Variants in ZNF408 observed in about 807,000 individuals in gnomAD.
The protein encoded by ZNF408 is zinc finger protein 408, also known as PR domain zinc finger protein 17.
ZNF408 carries 24 observed loss-of-function variants against 27.6 expected under a neutral mutation model. That is an observed-to-expected ratio of 0.87 (90% CI 0.63 to 1.22). The LOEUF is 1.22. Ranked by LOEUF, ZNF408 falls within the 50% of genes most tolerant of loss-of-function variation. ZNF408 has a pLI of 0.00. For missense variants in ZNF408, 897 were observed against 949.0 expected (o/e 0.95, Z 0.72); for synonymous variants, 410 against 396.1 (o/e 1.04, Z -0.42).
intron 2 of ZNF408, among the ~76,000 whole-genome samples, chr11:46,702,424 T>A (rs2064716249): frequency 6.6e-6 from 1 of 152,210 alleles, no homozygotes; most frequent in Non-Finnish European, 1.5e-5. Flanking sequence ...AAGCTGGTGT[T>A]CCTTATTACT....
In ZNF408 at chr11:46,705,522, C is replaced by T. The variant is rs760644029; in HGVS notation, c.1822C>T (p.Arg608Cys). The T allele has an allele frequency of 7.5e-6, 12 of 1,604,642 alleles. No individual in the cohort carries two copies. Among genetic ancestry groups the T allele is most frequent in the South Asian group, 3.3e-5 (3 of 91,092 alleles). The change falls in exon 5 of 5, where the codon CGC becomes TGC. Residue 608 changes from arginine to cysteine, a missense_variant. Physicochemically the swap from Arg to Cys is radical, Grantham distance 180. Coordinates refer to ENST00000311764, the MANE Select transcript of ZNF408 (RefSeq NM_024741.3). The surrounding 1 kb of genome is among the most constrained non-coding windows in gnomAD (Gnocchi z 6.5). Reference sequence around the variant, plus strand: ...ATCTCACTTGGAGGACAAGCCCTACCGCTGCCCCACCTGTGGCATGGGCTA... The same window carrying T: ...ATCTCACTTGGAGGACAAGCCCTACTGCTGCCCCACCTGTGGCATGGGCTA... ...LKSHLEDKPY[R>C]CPTCGMGYTL...
intron 1 of ZNF408, 66 bp downstream of exon 1, chr11:46,701,165 G>T (rs746272615): frequency 1.2e-6 from 2 of 1,612,974 alleles, no homozygotes; most frequent in South Asian, 1.1e-5. Flanking sequence ...TCTGTGGTCA[G>T]CTTTCTCCTC....
chr11:46,703,916 G>A (rs1715203868), intron 4 of ZNF408, among the ~76,000 whole-genome samples: 3 of 151,572 alleles, frequency 2.0e-5, no homozygotes, highest in African/African-American at 7.3e-5. Flanking sequence ...ATTTTTAGTA[G>A]AGATGGGGTT....
chr11:46,703,376 G>T, intron 4 of ZNF408, 133 bp downstream of exon 4: 1 of 1,209,406 alleles, frequency 8.3e-7, no homozygotes, highest in Non-Finnish European at 1.1e-6. Flanking sequence ...TTCAAAATCT[G>T]TTTTAAGGTG....
Position 46,705,630 on chromosome 11 carries a change from G to T in ZNF408, c.1930G>T (p.Ala644Ser). ...PCSPPSVPSA[A>S]SEPTVVLLQA... ...CAGCCCACCCTCTGTGCCTTCTGCT[G>T]CTTCTGAGCCCACTGTGGTGCTCCT... is the stretch of plus-strand genomic sequence containing the variant. Residue 644 changes from alanine (A) to serine (S), a missense_variant, in exon 5 of 5, where the codon GCT (alanine) becomes TCT (serine). By Grantham distance (99) the Ala-to-Ser change is moderately conservative. Coordinates refer to ENST00000311764, the MANE Select transcript of ZNF408 (RefSeq NM_024741.3). The surrounding 1 kb of genome is among the most constrained non-coding windows in gnomAD (Gnocchi z 6.5). 1 of 1,613,066 alleles carries T rather than the reference G, an allele frequency of 6.2e-7. No homozygotes were observed. Among genetic ancestry groups the T allele is most frequent in the Middle Eastern group, 1.6e-4 (1 of 6,062 alleles).
chr11:46,705,401 A>C lies in ZNF408; in HGVS notation c.1701A>C (p.Arg567=). The change falls in exon 5 of 5, where the codon CGA becomes CGC. Residue 567 remains arginine, a synonymous_variant. Transcript: ENST00000311764. This position sits in a 1 kb window ranked among gnomAD's most constrained non-coding sequence, Gnocchi z 6.5. ...GKALRDPHTL[R]AHERLHSGER... ...CCCTCCGAGACCCACACACGCTCCG[A>C]GCTCACGAGCGCCTGCACTCCGGAG... 1 of 1,607,146 alleles carries C rather than the reference A, an allele frequency of 6.2e-7. No individual in the cohort carries two copies. The highest frequency in any genetic ancestry group is 8.5e-7 in the Non-Finnish European group (1 of 1,179,378).
Position 46,703,105 on chromosome 11 carries a change from C to T in ZNF408, c.514C>T (p.Gln172Ter), listed in dbSNP as rs552345571. The change falls in exon 4 of 5, where the codon CAG (glutamine) becomes TAG (stop). Residue 172 changes from glutamine to a stop codon, truncating the protein, a stop_gained. Coordinates refer to ENST00000311764, the MANE Select transcript of ZNF408 (RefSeq NM_024741.3). LOFTEE classifies it high-confidence loss of function. Reference protein sequence around the residue: ...LPGSELLLWPQPSSEGPSLTQ... With the variant: ...LPGSELLLWP ...AGGCTCTGAACTGCTGCTGTGGCCCCAGCCTTCCTCTGAGGGCCCAAGTCT... is the reference window on the plus strand; with the variant it reads ...AGGCTCTGAACTGCTGCTGTGGCCCTAGCCTTCCTCTGAGGGCCCAAGTCT... 3 of 1,612,550 alleles carry T rather than the reference C, an allele frequency of 1.9e-6. No individual in the cohort carries two copies. Among genetic ancestry groups the T allele is most frequent in the Admixed American group, 1.7e-5 (1 of 59,472 alleles).
intron 2 of ZNF408, among the ~76,000 whole-genome samples, chr11:46,702,180 C>G (rs2064714190): frequency 6.6e-6 from 1 of 152,192 alleles, no homozygotes; most frequent in African/African-American, 2.4e-5. Flanking sequence ...TTGCAACCTC[C>G]ACTTCCCAGG....
rs772255806 is a variant in ZNF408, at chr11:46,705,268, C to T, written c.1568C>T (p.Pro523Leu). The T allele has an allele frequency of 6.2e-7, 1 of 1,612,236 alleles. No individual in the cohort carries two copies. Among genetic ancestry groups the T allele is most frequent in the South Asian group, 1.1e-5 (1 of 91,068 alleles). ...TTGCGGCTCCACACCGGGGAGCGTC[C>T]TTACCGCTGCCCACACTGTGCCGAT... ...GHLRLHTGER[P>L]YRCPHCADAF... Residue 523 changes from proline to leucine, a missense_variant, in exon 5 of 5, where the codon CCT becomes CTT. Pro to Leu is a moderately conservative substitution (Grantham distance 98). Coordinates refer to ENST00000311764, the MANE Select transcript of ZNF408 (RefSeq NM_024741.3). The surrounding 1 kb of genome is among the most constrained non-coding windows in gnomAD (Gnocchi z 6.5).
Position 46,701,568 on chromosome 11 carries a change from G to A in ZNF408, c.222G>A (p.Gly74=). The change falls in exon 2 of 5, where the codon GGG becomes GGA. Residue 74 remains glycine (G), a synonymous_variant. Transcript: ENST00000311764. The part of the protein sequence containing the change: ...GPSLAKEQRL[G]VWCVGDPLQP... ...CACTCGCCAAGGAACAGCGCTTGGG[G>A]GTCTGGTGTGTCGGGGACCCCCTGC... 1 of 1,613,372 alleles carries A rather than the reference G, an allele frequency of 6.2e-7. No individual in the cohort carries two copies. The highest frequency in any genetic ancestry group is 8.5e-7 in the Non-Finnish European group (1 of 1,179,952).
intron 4 of ZNF408, among the ~76,000 whole-genome samples, chr11:46,703,761 G>GTTTTTTT (rs1489418102): frequency 2.5e-5 from 2 of 80,170 alleles, no homozygotes; most frequent in African/African-American, 9.5e-5. Context: ...TGTTGTTGTT[G>GTTTTTTT]TTGTTGTTGT....
In ZNF408 at chr11:46,703,165, G is replaced by A. The variant is rs1187492124; in HGVS notation, c.574G>A (p.Ala192Thr). ...TGGGCTGGACAAAGAGGCAGCTGTA[G>A]CAGTGGTGACAGAAGTGGAGTCTGC... ...QPGLDKEAAVAVVTEVESAVQ... is the reference protein window; with the variant it reads ...QPGLDKEAAVTVVTEVESAVQ... The change falls in exon 4 of 5, where the codon GCA (alanine) becomes ACA (threonine). Residue 192 changes from alanine to threonine, a missense_variant. Physicochemically the swap from Ala to Thr is moderately conservative, Grantham distance 58 (BLOSUM62 0). Transcript: ENST00000311764. The A allele has an allele frequency of 2.4e-5, 38 of 1,606,922 alleles. No individual in the cohort carries two copies. Among genetic ancestry groups the A allele is most frequent in the Non-Finnish European group, 3.1e-5 (37 of 1,178,360 alleles).
rs141131767 is a variant in ZNF408, at chr11:46,704,603, G to A, written c.903G>A (p.Pro301=). 9.3e-6 allele frequency: 15 copies of A among 1,613,694 alleles called. No individual in the cohort carries two copies. The highest frequency in any genetic ancestry group is 8.9e-5 in the East Asian group (4 of 44,884). The stretch of plus-strand genomic sequence containing the variant: ...CATCTTCTGCCAGGGGCACCCAGCC[G>A]CATGGCTACCTGGCCAAGAAGTTAC... ...SFSSSARGTQ[P]HGYLAKKLHS... is the part of the protein sequence containing the mutation. The change falls in exon 5 of 5, where the codon CCG becomes CCA. Residue 301 remains proline (P), a synonymous_variant. Transcript: ENST00000311764.
Position 46,705,087 on chromosome 11 carries a change from GCTGCCC to G in ZNF408, c.1396_1401del (p.Ala466_Pro467del), listed in dbSNP as rs759294247. On this transcript the variant is annotated inframe_deletion, in exon 5 of 5. Transcript: ENST00000311764. This position sits in a 1 kb window ranked among gnomAD's most constrained non-coding sequence, Gnocchi z 6.5. ...GCATCGCAAGACCCACCAGGTGCCA[GCTGCCC>G]CTGCCCCTTGCCCATGCCCTGTGTG... The G allele has an allele frequency of 2.5e-6, 4 of 1,612,428 alleles. No homozygotes were observed. The highest frequency in any genetic ancestry group is 3.4e-6 in the Non-Finnish European group (4 of 1,179,950).
Position 46,705,201 on chromosome 11 carries a change from T to C in ZNF408, c.1501T>C (p.Cys501Arg), listed in dbSNP as rs1260480825. 3 of 1,611,700 alleles carry C rather than the reference T, an allele frequency of 1.9e-6. No individual in the cohort carries two copies. The highest frequency in any genetic ancestry group is 2.5e-6 in the Non-Finnish European group (3 of 1,179,920). The change falls in exon 5 of 5, where the codon TGT becomes CGT. Residue 501 changes from cysteine to arginine, a missense_variant. By Grantham distance (180) the Cys-to-Arg change is radical (BLOSUM62 -3). Coordinates refer to ENST00000311764, the MANE Select transcript of ZNF408 (RefSeq NM_024741.3). This position sits in a 1 kb window ranked among gnomAD's most constrained non-coding sequence, Gnocchi z 6.5. Reference protein sequence around the residue: ...TGEKPFLCPHCGRAFRQRGNL... With the variant: ...TGEKPFLCPHRGRAFRQRGNL... ...AGAAAAGCCTTTCCTGTGCCCGCAC[T>C]GTGGCCGGGCGTTTCGTCAGCGGGG...
chr11:46,703,983 C>T (rs12278651), intron 4 of ZNF408, among the ~76,000 whole-genome samples: 4,537 of 151,906 alleles, frequency 0.03, 229 homozygotes, highest in African/African-American at 0.1. Flanking sequence ...CTGCCTGTCT[C>T]TGCCTCCCAA....
At chr11:46,704,171 G>A (rs770821767) in intron 4 of ZNF408, among the ~76,000 whole-genome samples, 182 bp from the exon 5 acceptor site, 2 of 152,052 alleles carry the variant, frequency 1.3e-5, no homozygotes, top group African/African-American at 2.4e-5. Context: ...TCCAAAAGGC[G>A]CTTAAGGCTG....
rs1308621015 is a variant in ZNF408, at chr11:46,702,722, T to C, written c.349T>C (p.Trp117Arg). The C allele has an allele frequency of 4.3e-6, 7 of 1,614,058 alleles. No homozygotes were observed. Among genetic ancestry groups the C allele is most frequent in the African/African-American group, 1.3e-5 (1 of 74,938 alleles). Residue 117 changes from tryptophan (W) to arginine (R), a missense_variant, in exon 3 of 5, where the codon TGG (tryptophan) becomes CGG (arginine). Physicochemically the swap from Trp to Arg is moderately radical, Grantham distance 101. Transcript: ENST00000311764. ...RQEENLSLGP[W>R]GDVCACEQSS... ...ATTTCAGAACCTGTCATTAGGCCCA[T>C]GGGGAGACGTGTGTGCCTGTGAGCA...
chr11:46,705,699 G>GTC lies in ZNF408; in HGVS notation c.2002_2003dup (p.Ala670ProfsTer32), dbSNP rs1486830473. 1 of 1,613,772 alleles carries GTC rather than the reference G, an allele frequency of 6.2e-7. No individual in the cohort carries two copies. The highest frequency in any genetic ancestry group is 8.5e-7 in the Non-Finnish European group (1 of 1,179,908). On this transcript the variant is annotated frameshift_variant, in exon 5 of 5. Transcript: ENST00000311764. LOFTEE classifies it low-confidence loss of function (END_TRUNC). This position sits in a 1 kb window ranked among gnomAD's most constrained non-coding sequence, Gnocchi z 6.5. ...GCTGGACACACACAGAGAGGAGGAA[G>GTC]TCTCCCCCGCCAGGGATGTTGTTGA...
Sources: gnomAD v4.1 joint callset for allele counts (sites outside exome capture counted in the v4.1 genomes callset) on GRCh38, gnomAD v4.1.1 for gene constraint, Gnocchi (gnomAD v3.1) non-coding constraint, MANE v1.5 for transcripts, NCBI Gene and HGNC (gene_info 2026-07-23, HGNC 2026-07-21) for gene names.